Variants in JHY observed in about 807,000 individuals in gnomAD.
JHY encodes the protein jhy protein homolog.
A neutral mutation model predicts 78.0 loss-of-function variants in JHY; 69 were observed. The ratio of observed to expected loss-of-function variants is 0.88; its 90% CI spans 0.73 to 1.08. The LOEUF (loss-of-function observed/expected upper bound fraction) is 1.08, where lower values mean the gene tolerates loss of function less well. Ranked by LOEUF, JHY falls within the 50% of genes least tolerant of loss-of-function variation. The pLI, the probability that JHY is intolerant of heterozygous loss-of-function variation, is 0.00. For missense variants in JHY, 944 were observed against 927.8 expected, an observed-to-expected ratio of 1.02 and a Z score of -0.23; for synonymous variants, 368 against 342.6, an observed-to-expected ratio of 1.07 and a Z score of -0.82.
intron 8 of JHY, among the ~76,000 whole-genome samples, chr11:122,958,340 A>G (rs1023560018): frequency 1.3e-5 from 2 of 152,166 alleles, no homozygotes; most frequent in African/African-American, 2.4e-5. Context: ...ACAGACCATC[A>G]TATTTTCTAT....
chr11:122,936,192 A>T (rs185583155), intron 5 of JHY, among the ~76,000 whole-genome samples: 1 of 152,194 alleles, frequency 6.6e-6, no homozygotes, highest in Non-Finnish European at 1.5e-5. Flanking sequence ...CTTTCTACAT[A>T]CCTAACATAC....
At chr11:122,942,915 C>G (rs568336470) in intron 5 of JHY, among the ~76,000 whole-genome samples, 32 of 152,106 alleles carry the variant, frequency 2.1e-4, no homozygotes, top group African/African-American at 7.2e-4. Context: ...CACCATGTTG[C>G]CCAGGCTGGA....
At chr11:122,918,392 A>G (rs867232489) in intron 3 of JHY, among the ~76,000 whole-genome samples, 3 of 142,136 alleles carry the variant, frequency 2.1e-5, no homozygotes, top group Middle Eastern at 3.6e-3. Flanking sequence ...ACAAATAATA[A>G]GGCTGGCAGA....
At chr11:122,936,954 G>C (rs1863770127) in intron 5 of JHY, among the ~76,000 whole-genome samples, 1 of 152,150 alleles carries the variant, frequency 6.6e-6, no homozygotes, top group South Asian at 2.1e-4. Context: ...TTGAAGGTTT[G>C]ATAGAATTTT....
At position 122,886,103 on chromosome 11, in the gene JHY, T is replaced by C. The variant is rs774755695; in HGVS notation, c.254T>C (p.Leu85Pro). The change falls in exon 2 of 9, where the codon CTG becomes CCG. Residue 85 changes from leucine to proline, a missense_variant. Leu to Pro is a moderately conservative substitution (Grantham distance 98). Coordinates refer to ENST00000227349, the MANE Select transcript of JHY (RefSeq NM_024806.4). ...DEEESPRWGSLHEMEEEASGK... is the reference protein window; with the variant it reads ...DEEESPRWGSPHEMEEEASGK... The stretch of plus-strand genomic sequence containing the variant: ...GAGGAAAGCCCTCGATGGGGAAGCC[T>C]GCACGAGATGGAAGAGGAAGCAAGT... The C allele has an allele frequency of 6.2e-7, 1 of 1,614,112 alleles. No individual in the cohort carries two copies. Among genetic ancestry groups the C allele is most frequent in the Non-Finnish European group, 8.5e-7 (1 of 1,180,032 alleles).
At chr11:122,884,407 T>C (rs1862450971) in intron 1 of JHY, among the ~76,000 whole-genome samples, 1 of 151,768 alleles carries the variant, frequency 6.6e-6, no homozygotes, top group Admixed American at 6.6e-5. Context: ...TACAGCAATT[T>C]CTAATGGTAA....
intron 5 of JHY, among the ~76,000 whole-genome samples, chr11:122,937,740 C>T (rs1565330584): frequency 2.0e-5 from 3 of 152,242 alleles, no homozygotes; most frequent in South Asian, 4.1e-4. Flanking sequence ...TCTTCTCCTT[C>T]GTCACCCTTC....
chr11:122,913,471 C>G (rs1020693311), intron 3 of JHY, among the ~76,000 whole-genome samples: 7 of 152,138 alleles, frequency 4.6e-5, no homozygotes, highest in African/African-American at 1.4e-4. Flanking sequence ...CCCTTCCTGA[C>G]CTGGCTCCTT....
At chr11:122,886,456 C>T (rs1018600846) in intron 2 of JHY, among the ~76,000 whole-genome samples, 11 of 152,092 alleles carry the variant, frequency 7.2e-5, no homozygotes, top group Non-Finnish European at 1.6e-4. Flanking sequence ...CAAGTGTCTC[C>T]GCACTAGGAC....
intron 5 of JHY, among the ~76,000 whole-genome samples, chr11:122,945,685 C>T (rs892781818): frequency 4.6e-5 from 7 of 152,090 alleles, no homozygotes; most frequent in Admixed American, 2.0e-4. Context: ...CAGAAGTATC[C>T]CTCATCCAAG....
At chr11:122,897,171 G>A (rs1862756521) in intron 2 of JHY, among the ~76,000 whole-genome samples, 1 of 152,058 alleles carries the variant, frequency 6.6e-6, no homozygotes, top group African/African-American at 2.4e-5. Context: ...AGATGTATTA[G>A]TTTGCATAGT....
chr11:122,928,567 A>G (rs1182084481), intron 4 of JHY, among the ~76,000 whole-genome samples: 1 of 151,142 alleles, frequency 6.6e-6, no homozygotes, highest in Non-Finnish European at 1.5e-5. Context: ...AAAAAAAAAA[A>G]CAAGCAAACA....
chr11:122,946,911 C>A, intron 6 of JHY, 119 bp downstream of exon 6: 1 of 1,232,674 alleles, frequency 8.1e-7, no homozygotes, highest in Non-Finnish European at 1.1e-6. Context: ...CACACTGGGT[C>A]GCCCAGAGTC....
Position 122,960,482 on chromosome 11 carries a change from T to A in JHY, c.*1037T>A. On this transcript the variant is annotated 3_prime_UTR_variant, in exon 9 of 9. Transcript: ENST00000227349. ...TACCACCTCTTCCTTCCTTTTCCTA[T>A]AGAGGAAAAGTTCGTTTTGGGCTGA... is the stretch of plus-strand genomic sequence containing the variant. 1 of 233,762 alleles carries A rather than the reference T, an allele frequency of 4.3e-6. No individual in the cohort carries two copies. The allele number at this position is 233,762 out of a possible 1,614,324, so 14.5% of individuals were successfully genotyped here. A position where few individuals can be genotyped will look rare whatever the true frequency, so the allele number is the denominator to read the frequency against.
chr11:122,908,275 G>A (rs1863036807), intron 3 of JHY, among the ~76,000 whole-genome samples: 1 of 152,198 alleles, frequency 6.6e-6, no homozygotes, highest in African/African-American at 2.4e-5. Flanking sequence ...TGATTCAGCA[G>A]GTGTAGGGTG....
chr11:122,905,973 G>A (rs1278815727), intron 3 of JHY: 2 of 152,052 alleles, frequency 1.3e-5, no homozygotes, highest in African/African-American at 4.8e-5. Context: ...AAAGAATTAT[G>A]TCACATCTTT....
rs78227602 is a variant in JHY, at chr11:122,904,531, A to G, written c.864+87A>G. The stretch of plus-strand genomic sequence containing the variant: ...CAGTGTCTAGATATCGCTTCCTTTA[A>G]GATGACGATGTCATAGCAGCCACCT... On this transcript the variant is annotated intron_variant, in intron 3 of 8. Transcript: ENST00000227349. 4,597 of 1,428,516 alleles carry G rather than the reference A, an allele frequency of 3.2e-3. 129 individuals are homozygous for G. The African/African-American group carries it at 0.059, about 18-fold the overall frequency. The allele number at this position is 1,428,516 out of a possible 1,614,324, so 88.5% of individuals were successfully genotyped here. A position where few individuals can be genotyped will look rare whatever the true frequency, so the allele number is the denominator to read the frequency against.
At position 122,883,514 on chromosome 11, in the gene JHY, C is replaced by T. The variant is rs1862431050; in HGVS notation, c.-90+542C>T. Among the ~76,000 whole-genome samples the T allele has an allele frequency of 6.6e-6, 1 of 152,058 alleles. No homozygotes were observed. The highest frequency in any genetic ancestry group is 1.5e-5 in the Non-Finnish European group (1 of 68,016). Reference sequence around the variant, plus strand: ...CCGCTTCTTAGTCCCTAGGTGCCATCGGATCTATCGCTGTCTTGTTTATTC... The same window carrying T: ...CCGCTTCTTAGTCCCTAGGTGCCATTGGATCTATCGCTGTCTTGTTTATTC... On this transcript the variant is annotated intron_variant, in intron 1 of 8. Coordinates refer to ENST00000227349, the MANE Select transcript of JHY (RefSeq NM_024806.4). This position sits in a 1 kb window ranked among gnomAD's most constrained non-coding sequence, Gnocchi z 4.4.
chr11:122,955,075 G>A (rs982271510), intron 6 of JHY, among the ~76,000 whole-genome samples: 1 of 152,226 alleles, frequency 6.6e-6, no homozygotes, highest in African/African-American at 2.4e-5. Context: ...AAGGATGTGA[G>A]TTCCCTGTAA....
Sources: allele counts gnomAD v4.1 joint callset (sites outside exome capture counted in the v4.1 genomes callset), GRCh38; gene constraint gnomAD v4.1.1; non-coding constraint Gnocchi (gnomAD v3.1); transcripts MANE v1.5; gene names NCBI Gene and HGNC (gene_info 2026-07-23, HGNC 2026-07-21).